RGS5: variants seen among roughly 807,000 people sequenced by gnomAD.
The protein encoded by RGS5 is regulator of G-protein signalling 5.
Under a neutral mutation model 18.9 loss-of-function variants are expected in RGS5, and 20 were observed. The observed-to-expected ratio is 1.06, with a 90% CI of 0.74 to 1.54. The LOEUF (loss-of-function observed/expected upper bound fraction) is 1.54, where lower values mean the gene tolerates loss of function less well. RGS5 is among the 40% of genes most tolerant of loss of function. The pLI, the probability that RGS5 is intolerant of heterozygous loss-of-function variation, is 0.00. For synonymous variants in RGS5, 57 were observed against 76.2 expected, an observed-to-expected ratio of 0.75 and a Z score of 1.31; for missense variants, 201 against 211.8, an observed-to-expected ratio of 0.95 and a Z score of 0.32.
At chr1:163,290,248 G>C (rs1571343643) in intron 2 of RGS5, among the ~76,000 whole-genome samples, 2 of 152,236 alleles carry the variant, frequency 1.3e-5, no homozygotes, top group South Asian at 2.1e-4. Flanking sequence ...GCAGGAGAGA[G>C]AGCTTTTCTC....
chr1:163,207,421 C>T (rs1199071530), upstream of RGS5, among the ~76,000 whole-genome samples: 1 of 152,154 alleles, frequency 6.6e-6, no homozygotes, highest in Non-Finnish European at 1.5e-5. Context: ...ACAAAATTAT[C>T]ACACAGTCAG....
intron 2 of RGS5, among the ~76,000 whole-genome samples, chr1:163,227,853 G>A (rs1017993742): frequency 2.6e-5 from 4 of 152,212 alleles, no homozygotes; most frequent in African/African-American, 9.6e-5. Context: ...CAATCCCCAT[G>A]TAAGTCCGAA....
In RGS5 at chr1:163,145,553, C is replaced by G. The variant is rs1657098818; in HGVS notation, c.*1789G>C. 6.6e-6 allele frequency: 1 copy of G among 152,104 alleles called. No homozygotes were observed. Among genetic ancestry groups the G allele is most frequent in the African/African-American group, 2.4e-5 (1 of 41,408 alleles). 9.4% of individuals were successfully genotyped at this position (152,104 alleles called of 1,614,324 possible). On this transcript the variant is annotated 3_prime_UTR_variant, in exon 5 of 5. Transcript: ENST00000313961. Reference sequence around the variant, plus strand: ...AGCATTGATCTGGCCTAGCTCTGGACTGCTTGATGAAGGAGTTTCTTTGAA... The same window carrying G: ...AGCATTGATCTGGCCTAGCTCTGGAGTGCTTGATGAAGGAGTTTCTTTGAA...
intron 2 of RGS5, among the ~76,000 whole-genome samples, chr1:163,256,269 G>C (rs1648270104): frequency 6.6e-6 from 1 of 151,938 alleles, no homozygotes; most frequent in Non-Finnish European, 1.5e-5. Flanking sequence ...AAAGTCTCAG[G>C]ATACAAAATC....
intron 2 of RGS5, among the ~76,000 whole-genome samples, chr1:163,305,973 T>C (rs1333315268): frequency 6.6e-6 from 1 of 151,890 alleles, no homozygotes; most frequent in Non-Finnish European, 1.5e-5. Context: ...TATTAAAAGT[T>C]GGCTATACAA....
chr1:163,309,299 T>C (rs924042940), intron 1 of RGS5, among the ~76,000 whole-genome samples: 2 of 152,220 alleles, frequency 1.3e-5, no homozygotes, highest in Non-Finnish European at 2.9e-5. Flanking sequence ...TGACTTTTCC[T>C]TTCATGAAAG....
intron 2 of RGS5, among the ~76,000 whole-genome samples, chr1:163,295,737 A>G (rs1294461807): frequency 6.6e-6 from 1 of 152,214 alleles, no homozygotes; most frequent in Non-Finnish European, 1.5e-5. Context: ...CTTCAAAGGC[A>G]TCAAGGTTTT....
chr1:163,216,680 C>T (rs1233378934), intron 1 of RGS5, among the ~76,000 whole-genome samples: 1 of 152,114 alleles, frequency 6.6e-6, no homozygotes, highest in Non-Finnish European at 1.5e-5. Context: ...ACTGGATTCA[C>T]TGACGATATT....
At chr1:163,201,786 A>G (rs1307396745) in intron 1 of RGS5, among the ~76,000 whole-genome samples, 1 of 152,206 alleles carries the variant, frequency 6.6e-6, no homozygotes, top group Non-Finnish European at 1.5e-5. Flanking sequence ...GGCCCTTTAA[A>G]CAATAAAATC....
chr1:163,263,109 A>G (rs1434519250), intron 2 of RGS5, among the ~76,000 whole-genome samples: 1 of 152,170 alleles, frequency 6.6e-6, no homozygotes. Context: ...AACCCTTTTC[A>G]TGCAGTCTGG....
chr1:163,254,554 G>A (rs1273194672), intron 2 of RGS5, among the ~76,000 whole-genome samples: 1 of 152,100 alleles, frequency 6.6e-6, no homozygotes, highest in Non-Finnish European at 1.5e-5. Flanking sequence ...TTAGCCGTTT[G>A]TCAGTTGAGT....
intron 3 of RGS5, among the ~76,000 whole-genome samples, chr1:163,158,429 C>T (rs923640443): frequency 1.1e-4 from 16 of 152,158 alleles, no homozygotes; most frequent in Admixed American, 2.0e-4. Context: ...AATTCACCCC[C>T]GATATTTCAC....
intron 1 of RGS5, chr1:163,211,445 T>C (rs1251786469): frequency 6.6e-6 from 1 of 152,166 alleles, no homozygotes; most frequent in Non-Finnish European, 1.5e-5. Flanking sequence ...GGGGGCTTTT[T>C]TGGTAAGTCC....
At chr1:163,225,795 A>T (rs1394122346) in intron 2 of RGS5, among the ~76,000 whole-genome samples, 1 of 152,216 alleles carries the variant, frequency 6.6e-6, no homozygotes, top group Non-Finnish European at 1.5e-5. Flanking sequence ...CCAGAATCTC[A>T]GCACTGAATT....
At chr1:163,190,442 T>C (rs1485700384) in intron 1 of RGS5, among the ~76,000 whole-genome samples, 1 of 152,186 alleles carries the variant, frequency 6.6e-6, no homozygotes, top group African/African-American at 2.4e-5. Flanking sequence ...TGGCAGTGCC[T>C]GGAAAAGTTC....
chr1:163,219,794 G>A (rs1223245709), upstream of RGS5, among the ~76,000 whole-genome samples: 1 of 152,106 alleles, frequency 6.6e-6, no homozygotes, highest in Non-Finnish European at 1.5e-5. Context: ...CTGTAATTTT[G>A]TAACTATACC....
intron 1 of RGS5, among the ~76,000 whole-genome samples, chr1:163,186,505 G>T (rs1370502327): frequency 6.8e-6 from 1 of 147,856 alleles, no homozygotes; most frequent in African/African-American, 2.5e-5. Context: ...CGTGAACCTG[G>T]GAGGCAGAGC....
chr1:163,189,228 A>T (rs900701262), intron 1 of RGS5, among the ~76,000 whole-genome samples: 8 of 152,132 alleles, frequency 5.3e-5, no homozygotes, highest in African/African-American at 1.9e-4. Context: ...ATTAAATGAC[A>T]ATCTGGGAAG....
At chr1:163,318,527 C>T (rs1411320442) in intron 1 of RGS5, among the ~76,000 whole-genome samples, 1 of 152,074 alleles carries the variant, frequency 6.6e-6, no homozygotes, top group Non-Finnish European at 1.5e-5. Context: ...AAAGTCGGAA[C>T]TTCAAGGAAC....
Sources: allele counts gnomAD v4.1 joint callset (sites outside exome capture counted in the v4.1 genomes callset), GRCh38; gene constraint gnomAD v4.1.1; transcripts MANE v1.5; gene names NCBI Gene and HGNC (gene_info 2026-07-23, HGNC 2026-07-21).